Variants in ECT2 observed in about 807,000 individuals in gnomAD.
The protein encoded by ECT2 is protein ECT2.
Under a neutral mutation model 116.9 loss-of-function variants are expected in ECT2, and 61 were observed. That is an observed-to-expected ratio of 0.52 (90% CI 0.42 to 0.65). The LOEUF (loss-of-function observed/expected upper bound fraction) is 0.65, where lower values mean the gene tolerates loss of function less well. Ranked by LOEUF, ECT2 falls within the 30% of genes least tolerant of loss-of-function variation. ECT2 has a pLI of 0.00. For missense variants in ECT2, 937 were observed against 1,078.7 expected (o/e 0.87, Z 1.84); for synonymous variants, 358 against 346.4 (o/e 1.03, Z -0.37).
chr3:172,825,943 G>A (rs1426525166), downstream of ECT2, among the ~76,000 whole-genome samples: 1 of 152,200 alleles, frequency 6.6e-6, no homozygotes, highest in Non-Finnish European at 1.5e-5. Context: ...GCCCAAGCTG[G>A]AGTGCAATGG....
chr3:172,764,362 G>C lies in ECT2; in HGVS notation c.1153G>C (p.Glu385Gln). The C allele has an allele frequency of 6.2e-7, 1 of 1,614,110 alleles. No individual in the cohort carries two copies. Among genetic ancestry groups the C allele is most frequent in the Non-Finnish European group, 8.5e-7 (1 of 1,180,008 alleles). ...CAATCGCAAACGACGTCGTTTAAAA[G>C]AAACACTTGCTCAGCTTTCAAGAGA... The part of the protein sequence containing the change: ...NSNRKRRRLK[E>Q]TLAQLSRETD... Residue 385 changes from glutamate (E) to glutamine (Q), a missense_variant, in exon 12 of 25, where the codon GAA becomes CAA. Coordinates refer to ENST00000392692, the MANE Select transcript of ECT2 (RefSeq NM_001258315.2).
intron 12 of ECT2, among the ~76,000 whole-genome samples, chr3:172,767,623 A>T (rs1225239341): frequency 2.6e-5 from 4 of 152,308 alleles, no homozygotes; most frequent in African/African-American, 9.6e-5. Flanking sequence ...GTGCTTCTAT[A>T]TATAATGTTA....
intron 14 of ECT2, among the ~76,000 whole-genome samples, chr3:172,776,055 A>G (rs1044882751): frequency 3.3e-5 from 5 of 152,228 alleles, no homozygotes; most frequent in African/African-American, 1.2e-4. Context: ...TTGCAGAGTC[A>G]TAATCTTAAT....
At chr3:172,802,094 GTTTTGTTTTTGT>G (rs370602646) in intron 18 of ECT2, among the ~76,000 whole-genome samples, 1,553 of 151,588 alleles carry the variant, frequency 0.01, 12 homozygotes, top group South Asian at 0.035. Flanking sequence ...GTCTATGGAT[GTTTTGTTTTTGT>G]TTTTGTTTTT....
At position 172,786,601 on chromosome 3, in the gene ECT2, T is replaced by C. The variant is rs1389900781; in HGVS notation, c.1907+27T>C. On this transcript the variant is annotated intron_variant, in intron 18 of 24. Transcript: ENST00000392692. ...TAAGTGCATTATTTTCAATTTTTGATTGTGCCTTAGATTTCGAATGGAATT... is the reference window on the plus strand; with the variant it reads ...TAAGTGCATTATTTTCAATTTTTGACTGTGCCTTAGATTTCGAATGGAATT... The C allele has an allele frequency of 2.0e-6, 3 of 1,464,990 alleles. No individual in the cohort carries two copies. In the South Asian group the frequency reaches 3.5e-5, roughly 17 times the overall value. 90.7% of individuals were successfully genotyped at this position (1,464,990 alleles called of 1,614,324 possible).
At chr3:172,751,006 C>T (rs549824755) in intron 1 of ECT2, 149 bp downstream of exon 1, 2 of 152,434 alleles carry the variant, frequency 1.3e-5, no homozygotes, top group African/African-American at 2.4e-5. Flanking sequence ...GGAACTCCCT[C>T]GCCGCACCCC....
intron 12 of ECT2, among the ~76,000 whole-genome samples, chr3:172,768,099 G>T (rs1489413689): frequency 6.6e-6 from 1 of 152,052 alleles, no homozygotes; most frequent in Non-Finnish European, 1.5e-5. Context: ...CTCTGTACTG[G>T]TTGTTTTATA....
intron 22 of ECT2, among the ~76,000 whole-genome samples, chr3:172,813,063 T>C (rs1432062998): frequency 6.6e-6 from 1 of 152,100 alleles, no homozygotes; most frequent in Admixed American, 6.6e-5. Context: ...AAATATTCAG[T>C]TGTTTTACAA....
At chr3:172,821,648 C>T (rs1222933484), downstream of ECT2, among the ~76,000 whole-genome samples, 2 of 151,826 alleles carry the variant, frequency 1.3e-5, no homozygotes, top group African/African-American at 2.4e-5. Flanking sequence ...AATTTTTAAT[C>T]TGGAATCTAC....
intron 13 of ECT2, among the ~76,000 whole-genome samples, chr3:172,772,317 C>T (rs549712750): frequency 8.5e-5 from 13 of 152,130 alleles, no homozygotes; most frequent in African/African-American, 1.2e-4. Flanking sequence ...CTCAGCCTCC[C>T]GAGTAGCTGG....
At position 172,775,465 on chromosome 3, in the gene ECT2, A is replaced by G. The variant is rs111494992; in HGVS notation, c.1548+1443A>G. Among the ~76,000 whole-genome samples, 389 of 152,246 alleles carry G rather than the reference A, an allele frequency of 2.6e-3. 1 individual carries two copies. The highest frequency in any genetic ancestry group is 8.9e-3 in the African/African-American group (372 of 41,568). On this transcript the variant is annotated intron_variant, in intron 14 of 24. Coordinates refer to ENST00000392692, the MANE Select transcript of ECT2 (RefSeq NM_001258315.2). ...TCTAAAGAGAACTCTGAAGGAATCTATTTGTTTAAAAAGCTTAGAAAGCTA... is the reference window on the plus strand; with the variant it reads ...TCTAAAGAGAACTCTGAAGGAATCTGTTTGTTTAAAAAGCTTAGAAAGCTA...
intron 22 of ECT2, among the ~76,000 whole-genome samples, chr3:172,815,403 C>A (rs752552011): frequency 2.0e-5 from 3 of 152,110 alleles, no homozygotes; most frequent in African/African-American, 7.2e-5. Context: ...ATGACCCTTA[C>A]AACAAATTAC....
intron 20 of ECT2, among the ~76,000 whole-genome samples, chr3:172,805,279 T>A (rs111779509): frequency 7.9e-5 from 12 of 152,302 alleles, no homozygotes; most frequent in African/African-American, 2.4e-4. Context: ...GGGTTTTTTT[T>A]AAACTCTGTA....
At chr3:172,816,251 T>C (rs1354594592) in intron 23 of ECT2, among the ~76,000 whole-genome samples, 2 of 152,312 alleles carry the variant, frequency 1.3e-5, no homozygotes, top group Non-Finnish European at 2.9e-5. Context: ...TTTGTTTTCT[T>C]TCCCTTGGTG....
chr3:172,765,978 A>T (rs1719300984), intron 12 of ECT2, among the ~76,000 whole-genome samples: 1 of 152,184 alleles, frequency 6.6e-6, no homozygotes, highest in Admixed American at 6.5e-5. Flanking sequence ...GTGACCTGGT[A>T]GTTGTTTTTA....
chr3:172,784,596 C>G (rs770192375), intron 16 of ECT2, 111 bp from the exon 17 acceptor site: 2 of 740,436 alleles, frequency 2.7e-6, no homozygotes, highest in Non-Finnish European at 4.6e-6. Flanking sequence ...TCCACTTCTT[C>G]TCTATTAGTT....
intron 2 of ECT2, among the ~76,000 whole-genome samples, chr3:172,754,942 C>T (rs1482308073): frequency 1.3e-5 from 2 of 152,056 alleles, no homozygotes; most frequent in South Asian, 2.1e-4. Flanking sequence ...AGAAGTTATA[C>T]AGTCATGACT....
At chr3:172,829,169 G>T in the ECT2 span, 1 of 489,622 alleles carries the variant, frequency 2.0e-6, no homozygotes, top group Non-Finnish European at 3.7e-6. Flanking sequence ...CCAGTGGTCT[G>T]CATTTTTTCA....
rs538212173 is a variant in ECT2 at position 172,754,597 on chromosome 3, G to A, written c.67G>A (p.Asp23Asn). 9.2e-5 allele frequency: 148 copies of A among 1,611,448 alleles called. 1 individual carries two copies. In the South Asian group the frequency reaches 1.5e-3, roughly 16 times the overall value. ...RTSLADSSIF[D>N]SKVTEISKEN... ...TAGCTTGGCAGACTCTTCCATTTTTGATTCTAAAGTTACTGAGATTTCCAA... is the reference window on the plus strand; with the variant it reads ...TAGCTTGGCAGACTCTTCCATTTTTAATTCTAAAGTTACTGAGATTTCCAA... Residue 23 changes from aspartate (D) to asparagine (N), a missense_variant, in exon 2 of 25, where the codon GAT (aspartate) becomes AAT (asparagine). Asp to Asn is a conservative substitution (Grantham distance 23, BLOSUM62 1). Coordinates refer to ENST00000392692, the MANE Select transcript of ECT2 (RefSeq NM_001258315.2).
Sources: gnomAD v4.1 joint callset for allele counts (sites outside exome capture counted in the v4.1 genomes callset) on GRCh38, gnomAD v4.1.1 for gene constraint, MANE v1.5 for transcripts, NCBI Gene and HGNC (gene_info 2026-07-23, HGNC 2026-07-21) for gene names.